Variants in PDZRN3 observed in about 807,000 individuals in gnomAD.
PDZRN3 encodes E3 ubiquitin-protein ligase PDZRN3.
In PDZRN3, 38 loss-of-function variants were observed where a neutral mutation model predicts 85.7. That is an observed-to-expected ratio of 0.44 (90% CI 0.34 to 0.58). The LOEUF (loss-of-function observed/expected upper bound fraction) is 0.58. Ranked by LOEUF, PDZRN3 falls within the 20% of genes least tolerant of loss-of-function variation. PDZRN3 has a pLI of 0.01. For missense variants in PDZRN3, 1,629 were observed against 1,506.4 expected (o/e 1.08, Z -1.35); for synonymous variants, 759 against 638.0 (o/e 1.19, Z -2.86).
intron 3 of PDZRN3, among the ~76,000 whole-genome samples, chr3:73,533,338 T>G (rs576866608): frequency 6.6e-6 from 1 of 152,160 alleles, no homozygotes. Context: ...ATGGAGCCAT[T>G]GCGAAGGACA....
intron 3 of PDZRN3, among the ~76,000 whole-genome samples, chr3:73,506,501 T>G (rs184132717): frequency 9.2e-4 from 139 of 151,426 alleles, no homozygotes; most frequent in Non-Finnish European, 1.6e-3. Context: ...AAAAAGAAAA[T>G]AAAATTCAAT....
chr3:73,413,700 T>C (rs533259090), intron 3 of PDZRN3, among the ~76,000 whole-genome samples: 1 of 152,240 alleles, frequency 6.6e-6, no homozygotes, highest in African/African-American at 2.4e-5. Context: ...CACCGGTGAC[T>C]GTAGGATGCC....
rs78476291 is a variant in PDZRN3, at chr3:73,514,889, C to T, written c.918+87465G>A. 9.8e-3 allele frequency among the ~76,000 whole-genome samples: 1,499 copies of T among 152,210 alleles called. 24 individuals are homozygous for T. The highest frequency in any genetic ancestry group is 0.033 in the African/African-American group (1,391 of 41,538). On this transcript the variant is annotated intron_variant, in intron 3 of 9. Coordinates refer to ENST00000263666, the MANE Select transcript of PDZRN3 (RefSeq NM_015009.3). ...CATTTAGCACTTAACAATTCTGTAC[C>T]GGAGATATTATCTATAAACCCATTT...
intron 3 of PDZRN3, among the ~76,000 whole-genome samples, chr3:73,418,057 C>T (rs1432892175): frequency 6.6e-6 from 1 of 151,980 alleles, no homozygotes; most frequent in East Asian, 1.9e-4. Context: ...ACAAATGGCA[C>T]AAAAAGAATA....
chr3:73,443,089 T>C, intron 3 of PDZRN3, among the ~76,000 whole-genome samples: 1 of 152,310 alleles, frequency 6.6e-6, no homozygotes, highest in African/African-American at 2.4e-5. Flanking sequence ...ACCGGCCCAG[T>C]GGGTGTCAGT....
chr3:73,505,997 C>CA (rs1472758830), intron 3 of PDZRN3, among the ~76,000 whole-genome samples: 1 of 151,958 alleles, frequency 6.6e-6, no homozygotes, highest in Non-Finnish European at 1.5e-5. Context: ...AACACAGCCA[C>CA]AAACCATGGA....
At chr3:73,436,701 C>G (rs187416898) in intron 3 of PDZRN3, among the ~76,000 whole-genome samples, 1 of 152,084 alleles carries the variant, frequency 6.6e-6, no homozygotes, top group Non-Finnish European at 1.5e-5. Context: ...ACTGTATTTC[C>G]GAGCAGTGGT....
At chr3:73,569,330 G>A in intron 3 of PDZRN3, 1 of 1,220,158 alleles carries the variant, frequency 8.2e-7, no homozygotes, top group Non-Finnish European at 1.0e-6. Flanking sequence ...TGAACCAGGA[G>A]AATAAGCAGG....
chr3:73,570,926 G>C (rs758328441), intron 3 of PDZRN3, among the ~76,000 whole-genome samples: 2 of 152,100 alleles, frequency 1.3e-5, no homozygotes, highest in Non-Finnish European at 2.9e-5. Flanking sequence ...GCTTTTGCTT[G>C]CTCTCATCTA....
chr3:73,477,490 T>G (rs1193360682), intron 3 of PDZRN3, among the ~76,000 whole-genome samples: 1 of 152,208 alleles, frequency 6.6e-6, no homozygotes, highest in African/African-American at 2.4e-5. Flanking sequence ...TCTTGGATTA[T>G]TAAAATTAAA....
At chr3:73,599,169 C>T (rs1702474264) in intron 3 of PDZRN3, among the ~76,000 whole-genome samples, 1 of 152,200 alleles carries the variant, frequency 6.6e-6, no homozygotes, top group Non-Finnish European at 1.5e-5. Flanking sequence ...CAGCATTATT[C>T]AAGACAACCA....
chr3:73,429,249 A>G (rs1702382384), intron 3 of PDZRN3, among the ~76,000 whole-genome samples: 1 of 152,116 alleles, frequency 6.6e-6, no homozygotes, highest in Non-Finnish European at 1.5e-5. Context: ...CTTTGCCTAA[A>G]TGAATTCAGA....
intron 1 of PDZRN3, among the ~76,000 whole-genome samples, chr3:73,622,303 C>T (rs1279272081): frequency 6.6e-6 from 1 of 152,154 alleles, no homozygotes; most frequent in East Asian, 1.9e-4. Flanking sequence ...GGTCGGAAAA[C>T]TTGCAGGCCT....
intron 1 of PDZRN3, among the ~76,000 whole-genome samples, chr3:73,612,212 A>G (rs904672181): frequency 6.6e-6 from 1 of 152,190 alleles, no homozygotes; most frequent in African/African-American, 2.4e-5. Flanking sequence ...CAATGCTCTA[A>G]ACCTGGACAA....
In PDZRN3 at chr3:73,385,753, G is replaced by A. The variant is rs1377013458; in HGVS notation, c.1551C>T (p.Asn517=). 1.2e-6 allele frequency: 2 copies of A among 1,613,454 alleles called. No individual in the cohort carries two copies. Among genetic ancestry groups the A allele is most frequent in the Non-Finnish European group, 1.7e-6 (2 of 1,179,412 alleles). ...LDEGWMDDDR[N]DFLDDLHMDM... is the part of the protein sequence containing the mutation. ...CCATGTGCAGGTCATCCAGAAAGTC[G>A]TTCCTGTCATCATCCATCCAGCCCT... The change falls in exon 9 of 10, where the codon AAC becomes AAT. Residue 517 remains asparagine (N), a synonymous_variant. Coordinates refer to ENST00000263666, the MANE Select transcript of PDZRN3 (RefSeq NM_015009.3).
At chr3:73,595,193 T>C (rs896334805) in intron 3 of PDZRN3, among the ~76,000 whole-genome samples, 2 of 152,236 alleles carry the variant, frequency 1.3e-5, no homozygotes, top group African/African-American at 2.4e-5. Flanking sequence ...AACTGATCTC[T>C]AAAATCTGCT....
rs1393151864 is a variant in PDZRN3 at position 73,507,450 on chromosome 3, G to A, written c.918+94904C>T. On this transcript the variant is annotated intron_variant, in intron 3 of 9. Coordinates refer to ENST00000263666, the MANE Select transcript of PDZRN3 (RefSeq NM_015009.3). ...CTCCCAAAGTGCTGGGATTACAGGCGTGAGCCACCGTGCCCGGCCATTTCA... is the reference window on the plus strand; with the variant it reads ...CTCCCAAAGTGCTGGGATTACAGGCATGAGCCACCGTGCCCGGCCATTTCA... Among the ~76,000 whole-genome samples, 7 of 152,322 alleles carry A rather than the reference G, an allele frequency of 4.6e-5. No homozygotes were observed. In the East Asian group the frequency reaches 9.7e-4, roughly 21 times the overall value.
chr3:73,594,769 A>T (rs955750022), intron 3 of PDZRN3, among the ~76,000 whole-genome samples: 1 of 152,198 alleles, frequency 6.6e-6, no homozygotes, highest in African/African-American at 2.4e-5. Context: ...AAGTGATAAA[A>T]GTGGCTAAAT....
At chr3:73,546,218 A>C (rs1255815253) in intron 3 of PDZRN3, among the ~76,000 whole-genome samples, 1 of 152,216 alleles carries the variant, frequency 6.6e-6, no homozygotes, top group Non-Finnish European at 1.5e-5. Flanking sequence ...TCCACCTGGC[A>C]TGATACCACA....
Sources: allele counts gnomAD v4.1 joint callset (sites outside exome capture counted in the v4.1 genomes callset), GRCh38; gene constraint gnomAD v4.1.1; transcripts MANE v1.5; gene names NCBI Gene and HGNC (gene_info 2026-07-23, HGNC 2026-07-21).